The following THOC2 variants were observed in gnomAD, a reference collection of about 807,000 sequenced individuals.
The protein encoded by THOC2 is THO complex 2.
Under a neutral mutation model 128.4 loss-of-function variants are expected in THOC2, and 10 were observed. The observed-to-expected ratio is 0.08, with a 90% CI of 0.05 to 0.13. The LOEUF (loss-of-function observed/expected upper bound fraction) is 0.13, where lower values mean the gene tolerates loss of function less well. Ranked by LOEUF, THOC2 falls within the 10% of genes least tolerant of loss-of-function variation. The probability of loss-of-function intolerance (pLI) is 1.00; values close to 1 mark genes in which losing one functional copy is unlikely to be tolerated. For missense variants in THOC2, 535 were observed against 1,155.7 expected (o/e 0.46, Z 7.79); for synonymous variants, 393 against 396.9 (o/e 0.99, Z 0.12).
rs1375618139 is a variant in THOC2, at chrX:123,697,831, AAACT to A, written c.275-84_275-81del. The A allele has an allele frequency of 1.6e-5, 7 of 446,123 alleles. No homozygotes were observed. In the East Asian group the frequency reaches 1.6e-4, roughly 10 times the overall value. The allele number at this position is 446,123 out of a possible 1,213,427, so 36.8% of individuals were successfully genotyped here. A position where few individuals can be genotyped will look rare whatever the true frequency, so the allele number is the denominator to read the frequency against. ...TAAAGTAAGATACTTATTTTATTTG[AAACT>A]AACTAATTTTAAAATGCCTCAATCT... On this transcript the variant is annotated intron_variant, in intron 4 of 38. Coordinates refer to ENST00000245838, the MANE Select transcript of THOC2 (RefSeq NM_001081550.2).
At chrX:123,695,308 G>T (rs2147898313) in intron 7 of THOC2, among the ~76,000 whole-genome samples, 1 of 111,645 alleles carries the variant, frequency 9.0e-6, no homozygotes, top group East Asian at 2.8e-4. Flanking sequence ...AGGAAAATCT[G>T]GATTACCCTA....
Position 123,614,046 on chromosome X carries a change from A to G in THOC2, c.4449+6T>C. The G allele has an allele frequency of 8.3e-7, 1 of 1,198,538 alleles. No homozygotes were observed. On this transcript the variant is annotated splice_donor_region_variant and intron_variant, in intron 34 of 38. Coordinates refer to ENST00000245838, the MANE Select transcript of THOC2 (RefSeq NM_001081550.2). ...TCCAAACTAGTTTAAAAAAAATTTT[A>G]CAAACCCTTTTCCGCTCTTTCCTGT...
At chrX:123,619,549 T>G (rs746696305) in intron 32 of THOC2, 113 bp from the exon 33 acceptor site, 1 of 821,151 alleles carries the variant, frequency 1.2e-6, no homozygotes, top group Admixed American at 2.7e-5. Flanking sequence ...CTTGTGAGGA[T>G]AAATTTCATG....
chrX:123,726,818 C>T (rs1186240028), intron 1 of THOC2, among the ~76,000 whole-genome samples: 1 of 112,170 alleles, frequency 8.9e-6, no homozygotes, highest in Non-Finnish European at 1.9e-5. Flanking sequence ...CAAAGATTTG[C>T]TCAAGTTGCA....
At chrX:123,669,413 G>A (rs139270872) in intron 9 of THOC2, among the ~76,000 whole-genome samples, 1,102 of 108,764 alleles carry the variant, frequency 0.01, 7 homozygotes, top group Middle Eastern at 0.023. Flanking sequence ...TCTGCCTCCC[G>A]GCTTCAAGCA....
At chrX:123,661,023 G>A (rs903617840) in intron 12 of THOC2, among the ~76,000 whole-genome samples, 2 of 112,294 alleles carry the variant, frequency 1.8e-5, no homozygotes, top group African/African-American at 6.5e-5. Context: ...CAGCAATGTG[G>A]ATGGAACTGA....
At position 123,665,776 on chromosome X, in the gene THOC2, G is replaced by A; in HGVS notation, c.1252C>T (p.Pro418Ser). 1.7e-6 allele frequency: 2 copies of A among 1,202,077 alleles called. No individual in the cohort carries two copies. The highest frequency in any genetic ancestry group is 2.2e-6 in the Non-Finnish European group (2 of 890,553). The change falls in exon 12 of 39, where the codon CCA (proline) becomes TCA (serine). Residue 418 changes from proline to serine, a missense_variant. By Grantham distance (74) the Pro-to-Ser change is moderately conservative. Coordinates refer to ENST00000245838, the MANE Select transcript of THOC2 (RefSeq NM_001081550.2). ...PVNALQNKRAPKQAESFEDLR... is the reference protein window; with the variant it reads ...PVNALQNKRASKQAESFEDLR... ...TCTTCAAAGCTCTCAGCTTGTTTTGGTGCTCTCTTGTTTTGCAAAGCATTA... is the reference window on the plus strand; with the variant it reads ...TCTTCAAAGCTCTCAGCTTGTTTTGATGCTCTCTTGTTTTGCAAAGCATTA...
At position 123,633,108 on chromosome X, in the gene THOC2, A is replaced by G. The variant is rs1053825029; in HGVS notation, c.2137-68T>C. On this transcript the variant is annotated intron_variant, in intron 20 of 38. Transcript: ENST00000245838. ...ACCCATGCTAATTTGAAAAAGACAC[A>G]GAAAAAAGTTGAGTTAAAATGCTTA... The G allele has an allele frequency of 4.8e-6, 4 of 840,295 alleles. 1 individual carries two copies. In the African/African-American group the frequency reaches 8.1e-5, roughly 17 times the overall value. The allele number at this position is 840,295 out of a possible 1,213,427, so 69.2% of individuals were successfully genotyped here.
At chrX:123,667,364 G>A in intron 10 of THOC2, 86 bp from the exon 11 acceptor site, 1 of 613,168 alleles carries the variant, frequency 1.6e-6, no homozygotes, top group Non-Finnish European at 2.5e-6. Context: ...ACTGACCTAA[G>A]CAACACATCA....
rs751359813 is a variant in THOC2 at position 123,696,711 on chromosome X, G to A, written c.467+10C>T. On this transcript the variant is annotated intron_variant, in intron 6 of 38. Transcript: ENST00000245838. ...ATACTTGATCTGCAACATAAGATAC[G>A]TGTACTTACAAGAGTTTTGTCTTGA... 95 of 1,194,253 alleles carry A rather than the reference G, an allele frequency of 8.0e-5. No individual in the cohort carries two copies. Among genetic ancestry groups the A allele is most frequent in the Non-Finnish European group, 1.0e-4 (90 of 887,952 alleles).
Position 123,623,244 on chromosome X carries a change from T to C in THOC2, c.3543A>G (p.Ile1181Met), listed in dbSNP as rs751889176. Residue 1181 changes from isoleucine to methionine, a missense_variant, in exon 29 of 39, where the codon ATA (isoleucine) becomes ATG (methionine). Physicochemically the swap from Ile to Met is conservative, Grantham distance 10 (BLOSUM62 1). Coordinates refer to ENST00000245838, the MANE Select transcript of THOC2 (RefSeq NM_001081550.2). The part of the protein sequence containing the change: ...GQLKSRKSYM[I>M]PENEFHHKDP... ...CTTTGTGATGAAACTCATTTTCAGG[T>C]ATCATGTATGACTTTCTACTTTTCA... 3.3e-6 allele frequency: 4 copies of C among 1,210,194 alleles called. No individual in the cohort carries two copies. The South Asian group carries it at 7.1e-5, about 21-fold the overall frequency.
chrX:123,661,649 T>C (rs912685561), intron 12 of THOC2, among the ~76,000 whole-genome samples: 39 of 111,177 alleles, frequency 3.5e-4, no homozygotes, highest in African/African-American at 1.2e-3. Context: ...ACAGAGGACT[T>C]AGAATGTTCC....
chrX:123,633,810 G>A, intron 20 of THOC2, 143 bp downstream of exon 20: 1 of 379,071 alleles, frequency 2.6e-6, no homozygotes. Flanking sequence ...ATTTCAAAAG[G>A]GGGGCAGGGG....
At chrX:123,619,375 G>T in intron 33 of THOC2, 26 bp downstream of exon 33, 1 of 1,004,932 alleles carries the variant, frequency 1.0e-6, no homozygotes, top group Non-Finnish European at 1.4e-6. Context: ...GTTTACTTAG[G>T]CATGATGATT....
intron 38 of THOC2, chrX:123,602,427 A>C (rs1271660851): frequency 8.9e-6 from 1 of 112,747 alleles, no homozygotes; most frequent in African/African-American, 3.2e-5. Flanking sequence ...TACATGCCAC[A>C]ACATGGATGA....
At chrX:123,647,727 C>T (rs1236912273) in intron 12 of THOC2, among the ~76,000 whole-genome samples, 1 of 104,991 alleles carries the variant, frequency 9.5e-6, no homozygotes, top group East Asian at 3.1e-4. Context: ...CCCAGCTACT[C>T]GGGAGGCTGA....
At chrX:123,676,468 C>T (rs1334685277) in intron 8 of THOC2, among the ~76,000 whole-genome samples, 1 of 111,664 alleles carries the variant, frequency 9.0e-6, no homozygotes, top group Non-Finnish European at 1.9e-5. Flanking sequence ...TCTCAATTAA[C>T]TTTGTAGAGC....
At position 123,674,102 on chromosome X, in the gene THOC2, T is replaced by C. The variant is rs2049390246; in HGVS notation, c.769-2341A>G. ...TTCTATATATATAACGTTGTTCAAG[T>C]GTTCTATTTTCTTACTCATCTTTTG... On this transcript the variant is annotated intron_variant, in intron 8 of 38. Coordinates refer to ENST00000245838, the MANE Select transcript of THOC2 (RefSeq NM_001081550.2). Among the ~76,000 whole-genome samples the C allele has an allele frequency of 1.8e-5, 2 of 111,960 alleles. 1 individual carries two copies. Among genetic ancestry groups the C allele is most frequent in the South Asian group, 7.4e-4 (2 of 2,698 alleles).
At chrX:123,710,437 C>A (rs995413831) in intron 2 of THOC2, among the ~76,000 whole-genome samples, 5 of 111,130 alleles carry the variant, frequency 4.5e-5, no homozygotes, top group African/African-American at 1.6e-4. Context: ...GATTTTAAAC[C>A]CGGGGAAGAA....
Sources: gnomAD v4.1 joint callset for allele counts (sites outside exome capture counted in the v4.1 genomes callset) on GRCh38, gnomAD v4.1.1 for gene constraint, MANE v1.5 for transcripts, NCBI Gene and HGNC (gene_info 2026-07-23, HGNC 2026-07-21) for gene names.